Variants in KHDRBS1 observed in about 807,000 individuals in gnomAD.
KHDRBS1 encodes the protein KH RNA binding domain containing, signal transduction associated 1, also known as KH domain-containing, RNA-binding, signal transduction-associated protein 1.
KHDRBS1 carries 7 observed loss-of-function variants against 48.4 expected under a neutral mutation model. The ratio of observed to expected loss-of-function variants is 0.14; its 90% CI spans 0.08 to 0.27. The LOEUF (loss-of-function observed/expected upper bound fraction) is 0.27. Ranked by LOEUF, KHDRBS1 falls within the 10% of genes least tolerant of loss-of-function variation. The probability of loss-of-function intolerance (pLI) is 1.00; values close to 1 mark genes in which losing one functional copy is unlikely to be tolerated. For missense variants in KHDRBS1, 458 were observed against 601.2 expected, an observed-to-expected ratio of 0.76 and a Z score of 2.49; for synonymous variants, 241 against 235.8, an observed-to-expected ratio of 1.02 and a Z score of -0.20.
At chr1:32,057,894 A>G (rs1380522368) in intron 10 of KHDRBS1, among the ~76,000 whole-genome samples, 1 of 151,484 alleles carries the variant, frequency 6.6e-6, no homozygotes, top group Non-Finnish European at 1.5e-5. Context: ...AGGCGGGCAG[A>G]TCACCTGAGG....
chr1:32,058,202 C>T (rs1027278720), intron 10 of KHDRBS1, among the ~76,000 whole-genome samples: 1 of 151,622 alleles, frequency 6.6e-6, no homozygotes, highest in African/African-American at 2.4e-5. Flanking sequence ...ATCCTCTCAC[C>T]TCAGCCTCCA....
chr1:32,034,105 T>C (rs142199777), intron 4 of KHDRBS1, among the ~76,000 whole-genome samples: 4 of 152,220 alleles, frequency 2.6e-5, no homozygotes, highest in Admixed American at 2.0e-4. Context: ...TGGAGACTTA[T>C]GAAGGATTTG....
Position 32,039,518 on chromosome 1 carries a change from C to T in KHDRBS1, c.1179C>T (p.Asp393=), listed in dbSNP as rs755661820. 12 of 1,459,898 alleles carry T rather than the reference C, an allele frequency of 8.2e-6. No individual in the cohort carries two copies. In the East Asian group the frequency reaches 2.7e-4, roughly 33 times the overall value. 90.4% of individuals were successfully genotyped at this position (1,459,898 alleles called of 1,614,324 possible). A position where few individuals can be genotyped will look rare whatever the true frequency, so the allele number is the denominator to read the frequency against. ...YEGYYSQSQG[D]SEYYDYGHGE... is the part of the protein sequence containing the mutation. ...ACACTCTGCCTTTGGCTTTCAGGGA[C>T]TCAGAATATTATGACTATGGACATG... Residue 393 remains aspartate, a synonymous_variant, in exon 8 of 9, where the codon GAC becomes GAT. Transcript: ENST00000327300.
At chr1:32,044,644 T>C (rs1639337776), downstream of KHDRBS1, among the ~76,000 whole-genome samples, 1 of 152,218 alleles carries the variant, frequency 6.6e-6, no homozygotes, top group African/African-American at 2.4e-5. Context: ...AAAATGTATT[T>C]GTAGATTGTG....
chr1:32,038,191 A>G, intron 6 of KHDRBS1, 155 bp downstream of exon 6: 1 of 1,239,976 alleles, frequency 8.1e-7, no homozygotes, highest in Middle Eastern at 2.0e-4. Context: ...GAACTATTAG[A>G]AGATTTTTCC....
chr1:32,025,303 T>C (rs1638944826), intron 1 of KHDRBS1, among the ~76,000 whole-genome samples: 1 of 136,704 alleles, frequency 7.3e-6, no homozygotes, highest in Non-Finnish European at 1.6e-5. Flanking sequence ...TTTTTTTTTT[T>C]TTTTTTTTTT....
At chr1:32,046,788 T>C (rs1258279525), downstream of KHDRBS1, among the ~76,000 whole-genome samples, 1 of 152,168 alleles carries the variant, frequency 6.6e-6, no homozygotes, top group Non-Finnish European at 1.5e-5. Context: ...TTGGAATTTC[T>C]TTTTCTTCCA....
chr1:32,054,674 T>A (rs577362627), intron 10 of KHDRBS1, among the ~76,000 whole-genome samples: 18 of 152,270 alleles, frequency 1.2e-4, no homozygotes, highest in African/African-American at 2.6e-4. Flanking sequence ...GTGCTGAGAG[T>A]ATCATATACA....
In KHDRBS1 at chr1:32,037,881, C is replaced by T. The variant is rs1290893241; in HGVS notation, c.952C>T (p.Pro318Ser). Residue 318 changes from proline to serine, a missense_variant, in exon 6 of 9, where the codon CCA (proline) becomes TCA (serine). Pro to Ser is a moderately conservative substitution (Grantham distance 74). Transcript: ENST00000327300. ...TCGGGGGGCTTTGGTACGTGGTACA[C>T]CAGTAAGGGGAGCCATCACCAGAGG... is the stretch of plus-strand genomic sequence containing the variant. ...PPRGALVRGT[P>S]VRGAITRGAT... The T allele has an allele frequency of 1.2e-6, 2 of 1,614,056 alleles. No homozygotes were observed. Among genetic ancestry groups the T allele is most frequent in the Admixed American group, 3.3e-5 (2 of 60,000 alleles).
At position 32,036,967 on chromosome 1, in the gene KHDRBS1, G is replaced by A; in HGVS notation, c.829G>A (p.Val277Ile). Residue 277 changes from valine (V) to isoleucine (I), a missense_variant, in exon 5 of 9, where the codon GTA becomes ATA. Around this residue, in one of 3 missense-constraint regions of KHDRBS1, gnomAD observed 171 missense variants for 228.7 expected, o/e 0.75. Transcript: ENST00000327300. Reference protein sequence around the residue: ...QFLELSYLNGVPEPSRGRGVP... With the variant: ...QFLELSYLNGIPEPSRGRGVP... Reference sequence around the variant, plus strand: ...TCTAGAGCTGTCCTACTTGAATGGAGTACCTGAACCCTCTCGTGGACGTGG... The same window carrying A: ...TCTAGAGCTGTCCTACTTGAATGGAATACCTGAACCCTCTCGTGGACGTGG... 1.2e-6 allele frequency: 2 copies of A among 1,614,074 alleles called. No individual in the cohort carries two copies. Among genetic ancestry groups the A allele is most frequent in the East Asian group, 4.5e-5 (2 of 44,876 alleles).
At chr1:32,037,809 AT>A (rs1639211334) in intron 5 of KHDRBS1, 25 bp from the exon 6 acceptor site, 1 of 1,606,416 alleles carries the variant, frequency 6.2e-7, no homozygotes, top group Non-Finnish European at 8.5e-7. Context: ...AAAAAGCTCC[AT>A]TTAAGATAAA....
chr1:32,021,200 CAG>C (rs1317839423), intron 1 of KHDRBS1, among the ~76,000 whole-genome samples: 1 of 151,884 alleles, frequency 6.6e-6, no homozygotes, highest in African/African-American at 2.4e-5. Context: ...GTCAATATGA[CAG>C]AGTTTTCTAC....
chr1:32,030,542 C>T, intron 2 of KHDRBS1, 120 bp downstream of exon 2: 4 of 743,650 alleles, frequency 5.4e-6, no homozygotes, highest in Non-Finnish European at 8.0e-6. Flanking sequence ...TGAAGCTTCT[C>T]TTTCATGCTT....
At chr1:32,030,889 G>A (rs1045748331) in intron 2 of KHDRBS1, among the ~76,000 whole-genome samples, 9 of 148,262 alleles carry the variant, frequency 6.1e-5, no homozygotes, top group Admixed American at 1.4e-4. Flanking sequence ...TTTATCCAGC[G>A]TGTTATCAAA....
intron 3 of KHDRBS1, 77 bp from the exon 4 acceptor site, chr1:32,033,111 T>A (rs1433318381): frequency 1.8e-6 from 2 of 1,117,836 alleles, no homozygotes; most frequent in African/African-American, 1.5e-5. Flanking sequence ...TATTTCTTGC[T>A]GTTCCTTTGG....
chr1:32,014,456 C>G, intron 1 of KHDRBS1, 79 bp downstream of exon 1: 3 of 1,244,508 alleles, frequency 2.4e-6, no homozygotes, highest in Non-Finnish European at 3.1e-6. Context: ...CCTCTCGCTT[C>G]CCGCCCCCTC....
At position 32,014,150 on chromosome 1, in the gene KHDRBS1, G is replaced by A; in HGVS notation, c.155G>A (p.Arg52His). The change falls in exon 1 of 9, where the codon CGC becomes CAC. Residue 52 changes from arginine to histidine, a missense_variant. Physicochemically the swap from Arg to His is conservative, Grantham distance 29. Coordinates refer to ENST00000327300, the MANE Select transcript of KHDRBS1 (RefSeq NM_006559.3). Reference protein sequence around the residue: ...HRSRGGGGGSRGGARASPATQ... With the variant: ...HRSRGGGGGSHGGARASPATQ... The stretch of plus-strand genomic sequence containing the variant: ...TCCCGGGGAGGCGGAGGGGGATCCC[G>A]CGGGGGCGCCCGGGCCTCGCCCGCC... 1 of 1,306,574 alleles carries A rather than the reference G, an allele frequency of 7.7e-7. No homozygotes were observed. The highest frequency in any genetic ancestry group is 9.7e-7 in the Non-Finnish European group (1 of 1,029,004). 80.9% of individuals were successfully genotyped at this position (1,306,574 alleles called of 1,614,324 possible).
intron 7 of KHDRBS1, 86 bp from the exon 8 acceptor site, chr1:32,039,429 A>G (rs1639242259): frequency 2.6e-6 from 2 of 775,074 alleles, no homozygotes; most frequent in Admixed American, 1.7e-5. Flanking sequence ...TACACTTAGT[A>G]AAATGACTGA....
chr1:32,037,879 C>T lies in KHDRBS1; in HGVS notation c.950C>T (p.Thr317Ile), dbSNP rs778191932. 1.1e-5 allele frequency: 18 copies of T among 1,614,194 alleles called. No individual in the cohort carries two copies. In the Admixed American group the frequency reaches 1.2e-4, roughly 10 times the overall value. ...CCTCGGGGGGCTTTGGTACGTGGTA[C>T]ACCAGTAAGGGGAGCCATCACCAGA... is the stretch of plus-strand genomic sequence containing the variant. ...GPPRGALVRG[T>I]PVRGAITRGA... Residue 317 changes from threonine (T) to isoleucine (I), a missense_variant, in exon 6 of 9, where the codon ACA becomes ATA. By Grantham distance (89) the Thr-to-Ile change is moderately conservative (BLOSUM62 -1). This residue lies in a region of KHDRBS1 where 171 missense variants were observed against 228.7 expected (regional missense o/e 0.75). Coordinates refer to ENST00000327300, the MANE Select transcript of KHDRBS1 (RefSeq NM_006559.3).
Sources: allele counts gnomAD v4.1 joint callset (sites outside exome capture counted in the v4.1 genomes callset), GRCh38; gene constraint gnomAD v4.1.1; regional missense constraint gnomAD v4.1.1; transcripts MANE v1.5; gene names NCBI Gene and HGNC (gene_info 2026-07-23, HGNC 2026-07-21).